TXK: variants seen among roughly 807,000 people sequenced by gnomAD.
The protein encoded by TXK is TXK tyrosine kinase, also known as tyrosine-protein kinase TXK.
TXK carries 60 observed loss-of-function variants against 81.0 expected under a neutral mutation model. The ratio of observed to expected loss-of-function variants is 0.74; its 90% CI spans 0.60 to 0.92. The LOEUF is 0.92. TXK is among the 40% of genes least tolerant of loss of function. The probability of loss-of-function intolerance (pLI) is 0.00; values close to 1 mark genes in which losing one functional copy is unlikely to be tolerated. For missense variants in TXK, 581 were observed against 638.3 expected (o/e 0.91, Z 0.97); for synonymous variants, 203 against 210.7 (o/e 0.96, Z 0.32).
chr4:48,086,647 T>G lies in TXK; in HGVS notation c.785-10A>C. 6.2e-7 allele frequency: 1 copy of G among 1,611,826 alleles called. No individual in the cohort carries two copies. Among genetic ancestry groups the G allele is most frequent in the Non-Finnish European group, 8.5e-7 (1 of 1,178,472 alleles). On this transcript the variant is annotated splice_polypyrimidine_tract_variant and intron_variant, in intron 9 of 14. Coordinates refer to ENST00000264316, the MANE Select transcript of TXK (RefSeq NM_003328.3). ...TCTATCTCCCACTTTTCTGAAAAAGTAAAACATCCATGTTACAAGTAGAAA... is the reference window on the plus strand; with the variant it reads ...TCTATCTCCCACTTTTCTGAAAAAGGAAAACATCCATGTTACAAGTAGAAA...
intron 11 of TXK, among the ~76,000 whole-genome samples, 171 bp downstream of exon 11, chr4:48,079,741 C>T (rs1577651427): frequency 6.6e-6 from 1 of 152,156 alleles, no homozygotes; most frequent in Non-Finnish European, 1.5e-5. Flanking sequence ...ACAGCTACAG[C>T]ATCAATGGAC....
Position 48,067,394 on chromosome 4 carries a change from T to G in TXK, c.*243A>C. ...GCGAAGTCTTTTTCACTTCTTCACA[T>G]TTGGGATGTGAAATATTTTACAGAA... On this transcript the variant is annotated 3_prime_UTR_variant, in exon 15 of 15. Coordinates refer to ENST00000264316, the MANE Select transcript of TXK (RefSeq NM_003328.3). 6.8e-6 allele frequency: 3 copies of G among 443,686 alleles called. No individual in the cohort carries two copies. Among genetic ancestry groups the G allele is most frequent in the Admixed American group, 3.9e-5 (1 of 25,318 alleles). The allele number at this position is 443,686 out of a possible 1,614,324, so 27.5% of individuals were successfully genotyped here. A position where few individuals can be genotyped will look rare whatever the true frequency, so the allele number is the denominator to read the frequency against.
chr4:48,085,707 A>G (rs1717497241), intron 10 of TXK, among the ~76,000 whole-genome samples: 1 of 152,158 alleles, frequency 6.6e-6, no homozygotes, highest in Admixed American at 6.5e-5. Context: ...AGAAGAGAAG[A>G]GGAGGAGTGT....
rs535986527 is a variant in TXK, at chr4:48,110,979, T to C, written c.381-376A>G. ...GGAGTATTCCATAGCATAGGTATTC[T>C]AGTTTAGCTACTTTGCTAGTAGAAG... On this transcript the variant is annotated intron_variant, in intron 4 of 14. Coordinates refer to ENST00000264316, the MANE Select transcript of TXK (RefSeq NM_003328.3). Among the ~76,000 whole-genome samples, 14 of 152,362 alleles carry C rather than the reference T, an allele frequency of 9.2e-5. No homozygotes were observed. In the South Asian group the frequency reaches 2.9e-3, roughly 32 times the overall value.
Position 48,067,257 on chromosome 4 carries a change from G to A in TXK, c.*380C>T, listed in dbSNP as rs1716641026. ...TTTCATATTCTATGCATGGATCACT[G>A]AAGTGATGAATGTCACTCGTCTTCA... is the stretch of plus-strand genomic sequence containing the variant. On this transcript the variant is annotated 3_prime_UTR_variant, in exon 15 of 15. Coordinates refer to ENST00000264316, the MANE Select transcript of TXK (RefSeq NM_003328.3). 4.9e-6 allele frequency: 1 copy of A among 203,138 alleles called. No homozygotes were observed. Among genetic ancestry groups the A allele is most frequent in the African/African-American group, 2.3e-5 (1 of 42,898 alleles). The allele number at this position is 203,138 out of a possible 1,614,324, so 12.6% of individuals were successfully genotyped here. A position where few individuals can be genotyped will look rare whatever the true frequency, so the allele number is the denominator to read the frequency against.
At chr4:48,112,591 G>T in intron 3 of TXK, 79 bp from the exon 4 acceptor site, 5 of 1,414,310 alleles carry the variant, frequency 3.5e-6, no homozygotes, top group Non-Finnish European at 4.7e-6. Flanking sequence ...AAGCATATTT[G>T]CCTTCTGCCT....
chr4:48,072,191 G>A (rs1026775689), intron 13 of TXK, among the ~76,000 whole-genome samples: 5 of 152,002 alleles, frequency 3.3e-5, no homozygotes, highest in African/African-American at 1.2e-4. Flanking sequence ...TTTAGTAGAG[G>A]CGGGGTTTCA....
intron 9 of TXK, among the ~76,000 whole-genome samples, chr4:48,088,330 G>T (rs909887204): frequency 6.6e-6 from 1 of 152,188 alleles, no homozygotes; most frequent in African/African-American, 2.4e-5. Flanking sequence ...ACATATGCTG[G>T]AATGTAAATG....
chr4:48,076,423 A>G lies in TXK; in HGVS notation c.1217T>C (p.Ile406Thr), dbSNP rs764692192. Residue 406 changes from isoleucine (I) to threonine (T), a missense_variant, in exon 12 of 15, where the codon ATT becomes ACT. Coordinates refer to ENST00000264316, the MANE Select transcript of TXK (RefSeq NM_003328.3). ...CLVSSTCIVK[I>T]SDFGMTRYVL... ...GTACCTTGTCATTCCAAAGTCTGAA[A>G]TTTTTACTATGCATGTTGAACTGAC... is the stretch of plus-strand genomic sequence containing the variant. 2 of 1,612,838 alleles carry G rather than the reference A, an allele frequency of 1.2e-6. No homozygotes were observed. Among genetic ancestry groups the G allele is most frequent in the South Asian group, 1.1e-5 (1 of 90,698 alleles).
At chr4:48,079,720 A>C (rs1482091527) in intron 11 of TXK, among the ~76,000 whole-genome samples, 192 bp downstream of exon 11, 2 of 152,218 alleles carry the variant, frequency 1.3e-5, no homozygotes, top group Non-Finnish European at 2.9e-5. Flanking sequence ...AGGTGAACCC[A>C]TTCGGCCTTT....
chr4:48,127,019 G>C (rs1719106327), intron 1 of TXK, among the ~76,000 whole-genome samples: 1 of 152,108 alleles, frequency 6.6e-6, no homozygotes, highest in Non-Finnish European at 1.5e-5. Flanking sequence ...CAAAGACAAT[G>C]GCCTTTAAAG....
intron 1 of TXK, among the ~76,000 whole-genome samples, chr4:48,127,779 G>C (rs1031476194): frequency 6.6e-6 from 1 of 152,154 alleles, no homozygotes; most frequent in Non-Finnish European, 1.5e-5. Flanking sequence ...TTTAGAAACC[G>C]GCACATCTGT....
intron 10 of TXK, among the ~76,000 whole-genome samples, chr4:48,086,169 CA>C (rs1198409461): frequency 6.6e-6 from 1 of 152,232 alleles, no homozygotes; most frequent in East Asian, 1.9e-4. Context: ...AGGCATTCTG[CA>C]AAGGTGTCAA....
chr4:48,111,732 TTC>T (rs1229312013), intron 4 of TXK, among the ~76,000 whole-genome samples: 1 of 152,214 alleles, frequency 6.6e-6, no homozygotes, highest in Non-Finnish European at 1.5e-5. Context: ...AATGCCAGCC[TTC>T]TCTCTCAGGA....
intron 14 of TXK, among the ~76,000 whole-genome samples, chr4:48,069,812 C>T (rs1716766700): frequency 6.6e-6 from 1 of 152,142 alleles, no homozygotes; most frequent in African/African-American, 2.4e-5. Flanking sequence ...TTATATTACA[C>T]ACACACGTGT....
intron 6 of TXK, among the ~76,000 whole-genome samples, chr4:48,097,513 G>A (rs920160424): frequency 1.3e-5 from 2 of 150,386 alleles, no homozygotes; most frequent in African/African-American, 4.9e-5. Flanking sequence ...CCACCTCCAG[G>A]ATTCAAGCGA....
At chr4:48,090,805 T>C (rs958373118) in intron 8 of TXK, among the ~76,000 whole-genome samples, 2 of 152,198 alleles carry the variant, frequency 1.3e-5, no homozygotes, top group Non-Finnish European at 2.9e-5. Context: ...GGATAACATA[T>C]AATTACTTTA....
At chr4:48,133,818 A>G (rs1178971184) in intron 1 of TXK, among the ~76,000 whole-genome samples, 2 of 152,120 alleles carry the variant, frequency 1.3e-5, no homozygotes, top group Non-Finnish European at 1.5e-5. Flanking sequence ...CAGAACTAGA[A>G]CTTGGTCTCC....
At chr4:48,099,156 T>C (rs772838464) in intron 6 of TXK, among the ~76,000 whole-genome samples, 3 of 152,014 alleles carry the variant, frequency 2.0e-5, no homozygotes, top group Non-Finnish European at 2.9e-5. Flanking sequence ...ACCTACTACA[T>C]AAAACATGAG....
Sources: gnomAD v4.1 joint callset for allele counts (sites outside exome capture counted in the v4.1 genomes callset) on GRCh38, gnomAD v4.1.1 for gene constraint, MANE v1.5 for transcripts, NCBI Gene and HGNC (gene_info 2026-07-23, HGNC 2026-07-21) for gene names.